Variants in SLC36A1 observed in about 807,000 individuals in gnomAD.
The protein encoded by SLC36A1 is solute carrier family 36 member 1.
A neutral mutation model predicts 47.5 loss-of-function variants in SLC36A1; 30 were observed. That is an observed-to-expected ratio of 0.63 (90% CI 0.47 to 0.86). SLC36A1 has a LOEUF of 0.86. Ranked by LOEUF, SLC36A1 falls within the 40% of genes least tolerant of loss-of-function variation. SLC36A1 has a pLI of 0.00. For missense variants in SLC36A1, 517 were observed against 606.0 expected (o/e 0.85, Z 1.54); for synonymous variants, 255 against 249.7 (o/e 1.02, Z -0.20).
chr5:151,355,860 A>G, the SLC36A1 span, among the ~76,000 whole-genome samples: 2 of 152,228 alleles, frequency 1.3e-5, no homozygotes. Flanking sequence ...CACATCTTGT[A>G]TACACATGGT....
intron 8 of SLC36A1, 118 bp from the exon 9 acceptor site, chr5:151,476,472 T>G: frequency 1.3e-6 from 1 of 772,300 alleles, no homozygotes; most frequent in Non-Finnish European, 2.0e-6. Context: ...AGAGCAGATG[T>G]GCTTCTGGAG....
chr5:151,495,756 T>A (rs1760321333), downstream of SLC36A1, among the ~76,000 whole-genome samples: 1 of 152,176 alleles, frequency 6.6e-6, no homozygotes, highest in Non-Finnish European at 1.5e-5. Flanking sequence ...TAATAATAAT[T>A]CAATAAATTG....
chr5:151,545,026 T>C, the SLC36A1 span: 2 of 1,614,218 alleles, frequency 1.2e-6, no homozygotes, highest in African/African-American at 1.3e-5. Flanking sequence ...CTCATGAGTG[T>C]CCTGCTGCTC....
the SLC36A1 span, among the ~76,000 whole-genome samples, chr5:151,535,526 A>G: frequency 6.6e-6 from 1 of 151,886 alleles, no homozygotes; most frequent in Non-Finnish European, 1.5e-5. Flanking sequence ...AGGACATGGG[A>G]GCCCCTTTCC....
chr5:151,509,408 G>C, the SLC36A1 span: 3 of 152,328 alleles, frequency 2.0e-5, no homozygotes, highest in Non-Finnish European at 4.4e-5. Flanking sequence ...CCTGGGTCAC[G>C]GACCCATACT....
At chr5:151,544,426 T>TCA in the SLC36A1 span, 1 of 1,614,092 alleles carries the variant, frequency 6.2e-7, no homozygotes. Context: ...GGTCTTGGAC[T>TCA]CATAGTCCAA....
At chr5:151,439,550 G>C (rs996701440) in intron 1 of SLC36A1, among the ~76,000 whole-genome samples, 2 of 151,872 alleles carry the variant, frequency 1.3e-5, no homozygotes, top group Non-Finnish European at 2.9e-5. Context: ...CTACTTGGGA[G>C]GCTGAAGCAG....
chr5:151,498,248 G>C, the SLC36A1 span, among the ~76,000 whole-genome samples: 1 of 152,088 alleles, frequency 6.6e-6, no homozygotes, highest in African/African-American at 2.4e-5. Context: ...CACGGCCAGG[G>C]GGGTGGGAAT....
the SLC36A1 span, chr5:151,544,096 T>C: frequency 2.5e-6 from 4 of 1,613,978 alleles, no homozygotes; most frequent in Non-Finnish European, 3.4e-6. Context: ...CACATGAAAG[T>C]GTTGTTGGGC....
At chr5:151,551,141 T>G in the SLC36A1 span, among the ~76,000 whole-genome samples, 1 of 152,190 alleles carries the variant, frequency 6.6e-6, no homozygotes, top group Non-Finnish European at 1.5e-5. Context: ...AAGAAACAGA[T>G]AAAACACTGG....
At position 151,467,691 on chromosome 5, in the gene SLC36A1, C is replaced by T. The variant is rs1440058417; in HGVS notation, c.505-16C>T. ...TTTGAGAGGTGTTTCCGTTTTCTTC[C>T]TTCCCCTCATTCTAGGTGATAGAAG... On this transcript the variant is annotated splice_polypyrimidine_tract_variant and intron_variant, in intron 6 of 10. Coordinates refer to ENST00000243389, the MANE Select transcript of SLC36A1 (RefSeq NM_078483.4). The T allele has an allele frequency of 2.5e-6, 4 of 1,607,238 alleles. No individual in the cohort carries two copies. The African/African-American group carries it at 4.0e-5, about 16-fold the overall frequency.
chr5:151,465,279 T>A lies in SLC36A1; in HGVS notation c.419+110T>A. On this transcript the variant is annotated intron_variant, in intron 5 of 10. Transcript: ENST00000243389. ...AAGCGTGGAAAGAGTGCTGTTTGGG[T>A]CAGTTGCCTTGGGCTGTGGCTCAGC... 4.6e-6 allele frequency: 4 copies of A among 869,496 alleles called. No homozygotes were observed. In the South Asian group the frequency reaches 5.5e-5, roughly 12 times the overall value. The allele number at this position is 869,496 out of a possible 1,614,324, so 53.9% of individuals were successfully genotyped here.
At chr5:151,375,452 G>C in the SLC36A1 span, among the ~76,000 whole-genome samples, 1 of 152,108 alleles carries the variant, frequency 6.6e-6, no homozygotes, top group East Asian at 1.9e-4. Flanking sequence ...ATGCTGTTTT[G>C]GTTACTATAG....
chr5:151,387,262 T>A, the SLC36A1 span: 1 of 152,294 alleles, frequency 6.6e-6, no homozygotes, highest in African/African-American at 2.4e-5. Flanking sequence ...TCAGGAAAGA[T>A]CCACGCACAG....
the SLC36A1 span, among the ~76,000 whole-genome samples, chr5:151,515,682 A>C: frequency 1.3e-5 from 2 of 152,288 alleles, no homozygotes; most frequent in African/African-American, 4.8e-5. Flanking sequence ...TTTGCCTTCA[A>C]AATCTTTGTA....
upstream of SLC36A1, among the ~76,000 whole-genome samples, chr5:151,435,752 A>G (rs1265089780): frequency 6.6e-6 from 1 of 151,568 alleles, no homozygotes; most frequent in Non-Finnish European, 1.5e-5. Flanking sequence ...AATCTAAAAG[A>G]AACTCAGTAA....
At chr5:151,550,892 G>A in the SLC36A1 span, 3 of 1,608,558 alleles carry the variant, frequency 1.9e-6, no homozygotes, top group Admixed American at 3.3e-5. Flanking sequence ...AGATGAGGGA[G>A]AAGGTGCACT....
chr5:151,530,879 T>C, the SLC36A1 span, among the ~76,000 whole-genome samples: 1 of 152,184 alleles, frequency 6.6e-6, no homozygotes, highest in East Asian at 1.9e-4. Flanking sequence ...ATTGTACTAT[T>C]CTATTTTTTA....
At chr5:151,509,812 C>T in the SLC36A1 span, 15 of 567,658 alleles carry the variant, frequency 2.6e-5, no homozygotes, top group East Asian at 3.8e-4. Flanking sequence ...CCCGTTTCTC[C>T]TGCCTGGTCC....
Sources: gnomAD v4.1 joint callset for allele counts (sites outside exome capture counted in the v4.1 genomes callset) on GRCh38, gnomAD v4.1.1 for gene constraint, MANE v1.5 for transcripts, NCBI Gene and HGNC (gene_info 2026-07-23, HGNC 2026-07-21) for gene names.